COL4A3: variants seen among roughly 807,000 people sequenced by gnomAD.
COL4A3 encodes collagen alpha-3(IV) chain.
A neutral mutation model predicts 217.4 loss-of-function variants in COL4A3; 135 were observed. The observed-to-expected ratio is 0.62, with a 90% CI of 0.54 to 0.72. The LOEUF is 0.72. COL4A3 is among the 30% of genes least tolerant of loss of function. COL4A3 has a pLI of 0.00. For missense variants in COL4A3, 1,868 were observed against 2,119.9 expected, an observed-to-expected ratio of 0.88 and a Z score of 2.33; for synonymous variants, 690 against 736.3, an observed-to-expected ratio of 0.94 and a Z score of 1.02.
At chr2:227,230,747 T>C (rs550325181) in intron 1 of COL4A3, among the ~76,000 whole-genome samples, 42 of 152,326 alleles carry the variant, frequency 2.8e-4, no homozygotes, top group African/African-American at 9.9e-4. Flanking sequence ...AAAGACAGCA[T>C]TAGTGAGAGA....
At chr2:227,243,864 A>C (rs1324226291) in intron 3 of COL4A3, among the ~76,000 whole-genome samples, 1 of 152,238 alleles carries the variant, frequency 6.6e-6, no homozygotes, top group Non-Finnish European at 1.5e-5. Context: ...TCTTGTGCAC[A>C]GAAATACTGG....
chr2:227,304,436 C>T, intron 46 of COL4A3: 1 of 367,622 alleles, frequency 2.7e-6, no homozygotes, highest in Non-Finnish European at 5.0e-6. Context: ...CCTCTGACAA[C>T]TGTCAGTCTC....
At chr2:227,199,101 G>A (rs2066588713) in intron 1 of COL4A3, among the ~76,000 whole-genome samples, 1 of 152,168 alleles carries the variant, frequency 6.6e-6, no homozygotes, top group Non-Finnish European at 1.5e-5. Context: ...AAACTGAATT[G>A]AGGAATGAAA....
At chr2:227,279,911 T>G (rs1338687285) in intron 29 of COL4A3, 21 bp downstream of exon 29, 1 of 1,569,082 alleles carries the variant, frequency 6.4e-7, no homozygotes, top group African/African-American at 1.3e-5. Flanking sequence ...ATTCAAGCTA[T>G]CACAGAAGAG....
chr2:227,213,004 C>T (rs1559831997), intron 1 of COL4A3, among the ~76,000 whole-genome samples: 1 of 152,172 alleles, frequency 6.6e-6, no homozygotes, highest in African/African-American at 2.4e-5. Flanking sequence ...TAGCCTTGGC[C>T]GTTCATAAAC....
At chr2:227,218,841 T>C (rs1322068131) in intron 1 of COL4A3, among the ~76,000 whole-genome samples, 3 of 152,248 alleles carry the variant, frequency 2.0e-5, no homozygotes, top group Non-Finnish European at 4.4e-5. Context: ...TATTTGTTTA[T>C]TTGTATTTTG....
Position 227,168,085 on chromosome 2 carries a change from T to C in COL4A3, c.87+3272T>C, listed in dbSNP as rs1375201751. On this transcript the variant is annotated intron_variant, in intron 1 of 51. Transcript: ENST00000396578. Reference sequence around the variant, plus strand: ...ATTTGTAGTAATAGCTGCTGCATAGTATCTAGTTATATAAAGTATGATTCA... The same window carrying C: ...ATTTGTAGTAATAGCTGCTGCATAGCATCTAGTTATATAAAGTATGATTCA... Among the ~76,000 whole-genome samples, 14 of 152,378 alleles carry C rather than the reference T, an allele frequency of 9.2e-5. No homozygotes were observed. In the South Asian group the frequency reaches 1.9e-3, roughly 20 times the overall value.
chr2:227,238,968 G>A (rs890732496), intron 2 of COL4A3, among the ~76,000 whole-genome samples: 1 of 152,174 alleles, frequency 6.6e-6, no homozygotes, highest in African/African-American at 2.4e-5. Flanking sequence ...AGCGAGAGGG[G>A]TCTAGCACAT....
chr2:227,167,448 T>G (rs1290652991), intron 1 of COL4A3, among the ~76,000 whole-genome samples: 1 of 152,232 alleles, frequency 6.6e-6, no homozygotes, highest in Non-Finnish European at 1.5e-5. Flanking sequence ...CCACTTGAAA[T>G]AGGGCGGCAC....
At chr2:227,310,588 G>A (rs993076757) in intron 50 of COL4A3, among the ~76,000 whole-genome samples, 188 bp from the exon 51 acceptor site, 1 of 152,154 alleles carries the variant, frequency 6.6e-6, no homozygotes, top group African/African-American at 2.4e-5. Flanking sequence ...AGAGCGAGCT[G>A]GGATTACAGG....
At chr2:227,288,826 G>A (rs1233317728) in intron 34 of COL4A3, among the ~76,000 whole-genome samples, 2 of 152,082 alleles carry the variant, frequency 1.3e-5, no homozygotes, top group African/African-American at 2.4e-5. Context: ...GCCCAAATCC[G>A]CCCATGCTCT....
rs748843785 is a variant in COL4A3 at position 227,253,553 on chromosome 2, G to T, written c.688-8G>T. On this transcript the variant is annotated splice_region_variant and splice_polypyrimidine_tract_variant and intron_variant, in intron 12 of 51. Transcript: ENST00000396578. This position sits in a 1 kb window ranked among gnomAD's most constrained non-coding sequence, Gnocchi z 4.4. ...TATTTTCTCACTCCTGAGTGTTTTTGTCTTTAGGGTGTGAAAGGGTTAACA... is the reference window on the plus strand; with the variant it reads ...TATTTTCTCACTCCTGAGTGTTTTTTTCTTTAGGGTGTGAAAGGGTTAACA... 112 of 1,611,760 alleles carry T rather than the reference G, an allele frequency of 6.9e-5. No homozygotes were observed. The East Asian group carries it at 2.3e-3, about 34-fold the overall frequency.
chr2:227,229,020 G>A (rs2068246017), intron 1 of COL4A3, among the ~76,000 whole-genome samples: 1 of 152,210 alleles, frequency 6.6e-6, no homozygotes, highest in South Asian at 2.1e-4. Context: ...CGAGACACCT[G>A]AGACTGCCTA....
Position 227,285,277 on chromosome 2 carries a change from T to TAAAAAAAAAAAAAA in COL4A3, c.2881+946_2881+959dup, listed in dbSNP as rs764697409. ...AAACCTTCACATGTACTGCCAAACCTAAAAAAAAAAAAAAAAAAAAAAAAA... is the reference window on the plus strand; with the variant it reads ...AAACCTTCACATGTACTGCCAAACCTAAAAAAAAAAAAAAAAAAAAAAAAAAAAAAAAAAAAAAA... On this transcript the variant is annotated intron_variant, in intron 34 of 51. Coordinates refer to ENST00000396578, the MANE Select transcript of COL4A3 (RefSeq NM_000091.5). 7.5e-4 allele frequency among the ~76,000 whole-genome samples: 54 copies of TAAAAAAAAAAAAAA among 72,372 alleles called. 4 individuals are homozygous for TAAAAAAAAAAAAAA. The highest frequency in any genetic ancestry group is 3.0e-3 in the African/African-American group (53 of 17,692). The allele number at this position is 72,372 out of a possible 152,430, so 47.5% of individuals were successfully genotyped here.
chr2:227,204,700 G>T (rs567558958), intron 1 of COL4A3, among the ~76,000 whole-genome samples: 6 of 152,184 alleles, frequency 3.9e-5, no homozygotes, highest in Non-Finnish European at 8.8e-5. Context: ...TCTATCCCCA[G>T]ATTTGCCTCA....
intron 43 of COL4A3, among the ~76,000 whole-genome samples, chr2:227,302,671 T>C (rs1432260045): frequency 2.0e-5 from 1 of 49,658 alleles, no homozygotes; most frequent in African/African-American, 1.0e-4. Context: ...AACGAGACTC[T>C]TTCTCCAAAA....
At chr2:227,296,880 C>T (rs144522678) in intron 41 of COL4A3, among the ~76,000 whole-genome samples, 1 of 152,180 alleles carries the variant, frequency 6.6e-6, no homozygotes, top group Non-Finnish European at 1.5e-5. Context: ...TCCTTCTGCA[C>T]ATCTATCTTC....
intron 1 of COL4A3, among the ~76,000 whole-genome samples, chr2:227,184,316 T>G (rs1352271801): frequency 6.6e-6 from 1 of 152,246 alleles, no homozygotes; most frequent in Non-Finnish European, 1.5e-5. Context: ...GGTTAATTAT[T>G]GCTTATCAGC....
intron 2 of COL4A3, chr2:227,238,276 G>A: frequency 3.1e-6 from 1 of 322,256 alleles, no homozygotes; most frequent in South Asian, 3.8e-5. Flanking sequence ...AGAATAAGTA[G>A]CAAATGAGAA....
Sources: allele counts gnomAD v4.1 joint callset (sites outside exome capture counted in the v4.1 genomes callset), GRCh38; gene constraint gnomAD v4.1.1; non-coding constraint Gnocchi (gnomAD v3.1); transcripts MANE v1.5; gene names NCBI Gene and HGNC (gene_info 2026-07-23, HGNC 2026-07-21).